The following CADM2 variants were observed in gnomAD, a reference collection of about 807,000 sequenced individuals.
CADM2 encodes cell adhesion molecule 2, also known as immunoglobulin superfamily member 4D.
In CADM2, 12 loss-of-function variants were observed where a neutral mutation model predicts 49.8. That is an observed-to-expected ratio of 0.24 (90% confidence interval 0.15 to 0.39). The LOEUF is 0.39. CADM2 is among the 10% of genes least tolerant of loss of function. The pLI, the probability that CADM2 is intolerant of heterozygous loss-of-function variation, is 1.00. For missense variants in CADM2, 378 were observed against 492.3 expected (o/e 0.77, Z 2.20); for synonymous variants, 214 against 175.4 (o/e 1.22, Z -1.74).
chr3:85,686,371 G>C (rs1426649307), intron 1 of CADM2, among the ~76,000 whole-genome samples: 5 of 151,998 alleles, frequency 3.3e-5, no homozygotes, highest in Admixed American at 2.6e-4. Flanking sequence ...TGGTAACGCT[G>C]GTTAGTGTCC....
chr3:85,132,625 A>ATT (rs200927748), intron 1 of CADM2, among the ~76,000 whole-genome samples: 12 of 148,096 alleles, frequency 8.1e-5, no homozygotes, highest in African/African-American at 2.2e-4. Flanking sequence ...ACAAGGATAT[A>ATT]TTATATATAT....
intron 1 of CADM2, among the ~76,000 whole-genome samples, chr3:85,430,650 A>C (rs2036618671): frequency 6.7e-6 from 1 of 149,188 alleles, no homozygotes. Flanking sequence ...GAGAGGAGAA[A>C]AACAGAAAGA....
chr3:86,024,567 T>C (rs1733634369), intron 8 of CADM2, among the ~76,000 whole-genome samples: 2 of 152,210 alleles, frequency 1.3e-5, no homozygotes, highest in South Asian at 4.1e-4. Context: ...ATATATGTAA[T>C]GCTCTGCCAT....
intron 1 of CADM2, among the ~76,000 whole-genome samples, chr3:85,466,971 A>G (rs1359655334): frequency 6.6e-6 from 1 of 152,168 alleles, no homozygotes; most frequent in Non-Finnish European, 1.5e-5. Flanking sequence ...ATGAATAACT[A>G]CCAGCTTCAA....
intron 1 of CADM2, among the ~76,000 whole-genome samples, chr3:85,687,873 C>T (rs988950645): frequency 1.1e-4 from 16 of 152,274 alleles, no homozygotes; most frequent in South Asian, 1.0e-3. Context: ...AGGAGGTGAG[C>T]GGGCGAGCGA....
intron 7 of CADM2, among the ~76,000 whole-genome samples, chr3:85,946,140 C>A (rs891797890): frequency 1.3e-5 from 2 of 151,942 alleles, no homozygotes; most frequent in Non-Finnish European, 2.9e-5. Context: ...CAATAACAGA[C>A]AAACAGAGAG....
At chr3:85,695,612 A>G (rs1321627400) in intron 1 of CADM2, among the ~76,000 whole-genome samples, 1 of 152,078 alleles carries the variant, frequency 6.6e-6, no homozygotes, top group Non-Finnish European at 1.5e-5. Context: ...ACACACGCAC[A>G]CAAACACACT....
At chr3:85,550,978 G>GTTTATTTATTTA (rs570441969) in intron 1 of CADM2, among the ~76,000 whole-genome samples, 22 of 115,370 alleles carry the variant, frequency 1.9e-4, no homozygotes, top group African/African-American at 5.0e-4. Flanking sequence ...TTGTTTGTTT[G>GTTTATTTATTTA]TTTATTTATT....
intron 5 of CADM2, among the ~76,000 whole-genome samples, chr3:85,888,351 A>G (rs1206222969): frequency 6.6e-6 from 1 of 152,192 alleles, no homozygotes; most frequent in Non-Finnish European, 1.5e-5. Context: ...AACAGATTTA[A>G]TCATACATTG....
chr3:85,215,386 A>T (rs557998171), intron 1 of CADM2, among the ~76,000 whole-genome samples: 169 of 151,762 alleles, frequency 1.1e-3, no homozygotes, highest in South Asian at 4.6e-3. Flanking sequence ...AAAAAAAGAA[A>T]AAAACTTTTA....
In CADM2 at chr3:85,710,256, T is replaced by C. The variant is rs529780441; in HGVS notation, c.62-16266T>C. Among the ~76,000 whole-genome samples the C allele has an allele frequency of 7.2e-5, 11 of 152,310 alleles. No homozygotes were observed. In the South Asian group the frequency reaches 2.3e-3, roughly 32 times the overall value. ...CTTCTCAGGGCCTTTGCACTGATGC[T>C]GTTGTCTGGAAAGACTTCTCTTGCT... On this transcript the variant is annotated intron_variant, in intron 1 of 9. Coordinates refer to ENST00000383699, the MANE Select transcript of CADM2 (RefSeq NM_001167675.2).
chr3:85,129,946 C>T (rs377322832), intron 1 of CADM2, among the ~76,000 whole-genome samples: 15 of 152,286 alleles, frequency 9.8e-5, no homozygotes, highest in East Asian at 7.7e-4. Context: ...ATGCCTTCCA[C>T]GCTTTTAATG....
At chr3:85,071,294 G>T (rs530612956) in intron 1 of CADM2, among the ~76,000 whole-genome samples, 6 of 152,112 alleles carry the variant, frequency 3.9e-5, no homozygotes, top group Non-Finnish European at 8.8e-5. Flanking sequence ...GGGAGAGGGA[G>T]AATGTCAGGA....
At chr3:85,417,956 G>C (rs986444329) in intron 1 of CADM2, among the ~76,000 whole-genome samples, 1 of 152,050 alleles carries the variant, frequency 6.6e-6, no homozygotes, top group Non-Finnish European at 1.5e-5. Context: ...CAATGTTGCT[G>C]GTTCCTTAGA....
chr3:85,206,944 AAAT>A (rs2041657763), intron 1 of CADM2, among the ~76,000 whole-genome samples: 1 of 150,402 alleles, frequency 6.6e-6, no homozygotes, highest in Non-Finnish European at 1.5e-5. Context: ...CTCCTCAAAT[AAAT>A]AATATTTAAG....
intron 1 of CADM2, among the ~76,000 whole-genome samples, chr3:85,312,403 C>T (rs1402944113): frequency 3.9e-5 from 6 of 152,050 alleles, no homozygotes; most frequent in Non-Finnish European, 7.4e-5. Flanking sequence ...CGGTAAGAGA[C>T]GTGTAAATTG....
At chr3:85,306,439 T>G (rs566786333) in intron 1 of CADM2, among the ~76,000 whole-genome samples, 1 of 151,856 alleles carries the variant, frequency 6.6e-6, no homozygotes, top group East Asian at 1.9e-4. Flanking sequence ...TATTGAATAG[T>G]ATTAAGTTAC....
intron 1 of CADM2, among the ~76,000 whole-genome samples, chr3:85,562,212 C>T (rs1440334000): frequency 6.6e-6 from 1 of 151,934 alleles, no homozygotes; most frequent in Admixed American, 6.6e-5. Context: ...GATAAGAGTA[C>T]TTCACTCATG....
chr3:85,676,438 T>C (rs1178322400), intron 1 of CADM2, among the ~76,000 whole-genome samples: 1 of 152,180 alleles, frequency 6.6e-6, no homozygotes. Flanking sequence ...CTATTTTTAT[T>C]TTTAAAATTT....
Sources: allele counts gnomAD v4.1 joint callset (sites outside exome capture counted in the v4.1 genomes callset), GRCh38; gene constraint gnomAD v4.1.1; transcripts MANE v1.5; gene names NCBI Gene and HGNC (gene_info 2026-07-23, HGNC 2026-07-21).